The following INPP4B variants were observed in gnomAD, a reference collection of about 807,000 sequenced individuals.
INPP4B encodes the protein inositol polyphosphate-4-phosphatase type II B, also known as inositol polyphosphate 4-phosphatase type II.
In INPP4B, 55 loss-of-function variants were observed where a neutral mutation model predicts 122.5. The observed-to-expected ratio is 0.45, with a 90% confidence interval of 0.36 to 0.56. The LOEUF is 0.56. Ranked by LOEUF, INPP4B falls within the 20% of genes least tolerant of loss-of-function variation. INPP4B has a pLI of 0.00. For synonymous variants in INPP4B, 403 were observed against 388.7 expected (o/e 1.04, Z -0.43); for missense variants, 1,000 against 1,097.7 (o/e 0.91, Z 1.26).
chr4:142,641,420 TC>T (rs1403757436), intron 2 of INPP4B, among the ~76,000 whole-genome samples: 1 of 113,436 alleles, frequency 8.8e-6, no homozygotes, highest in East Asian at 3.1e-4. Context: ...CCCTACCCCC[TC>T]CCCCCACCCC....
At chr4:142,453,939 G>A (rs762751262) in intron 3 of INPP4B, among the ~76,000 whole-genome samples, 4 of 152,116 alleles carry the variant, frequency 2.6e-5, no homozygotes, top group Non-Finnish European at 5.9e-5. Flanking sequence ...TGGGACTAGA[G>A]GAAATCATGG....
chr4:142,757,014 G>T (rs1232599406), intron 1 of INPP4B, among the ~76,000 whole-genome samples: 1 of 152,108 alleles, frequency 6.6e-6, no homozygotes, highest in Non-Finnish European at 1.5e-5. Context: ...AAACATTATG[G>T]TATCTTACCT....
chr4:142,489,051 G>C (rs1821535268), intron 2 of INPP4B, among the ~76,000 whole-genome samples: 1 of 151,992 alleles, frequency 6.6e-6, no homozygotes, highest in Non-Finnish European at 1.5e-5. Flanking sequence ...TAATATCTAT[G>C]TGTTAATTTT....
At chr4:142,572,433 T>G (rs1259087940) in intron 2 of INPP4B, among the ~76,000 whole-genome samples, 2 of 152,008 alleles carry the variant, frequency 1.3e-5, no homozygotes, top group Non-Finnish European at 2.9e-5. Context: ...GAAGAGTTGG[T>G]GGGAAGTTGG....
At chr4:142,419,853 G>A (rs3775708) in intron 5 of INPP4B, among the ~76,000 whole-genome samples, 1 of 152,000 alleles carries the variant, frequency 6.6e-6, no homozygotes, top group East Asian at 1.9e-4. Flanking sequence ...GCAACATCAG[G>A]GGACCTCTCT....
At position 142,824,505 on chromosome 4, in the gene INPP4B, T is replaced by C. The variant is rs778927522; in HGVS notation, c.-254+21704A>G. ...TCAACCTATTCAATTAAATAAGCAATTACTTTAAAATTGAGAGTTAACCAT... is the reference window on the plus strand; with the variant it reads ...TCAACCTATTCAATTAAATAAGCAACTACTTTAAAATTGAGAGTTAACCAT... On this transcript the variant is annotated intron_variant, in intron 1 of 25. Transcript: ENST00000262992. Among the ~76,000 whole-genome samples, 23 of 152,082 alleles carry C rather than the reference T, an allele frequency of 1.5e-4. 1 individual carries two copies. The highest frequency in any genetic ancestry group is 2.6e-4 in the Admixed American group (4 of 15,256).
chr4:142,445,798 C>T (rs533665546), intron 3 of INPP4B, among the ~76,000 whole-genome samples: 39 of 152,138 alleles, frequency 2.6e-4, no homozygotes, highest in African/African-American at 9.1e-4. Flanking sequence ...ATAAAAGAAA[C>T]CTTAACAAAT....
chr4:142,442,086 T>C (rs1171103564), intron 3 of INPP4B, among the ~76,000 whole-genome samples: 1 of 152,000 alleles, frequency 6.6e-6, no homozygotes, highest in Non-Finnish European at 1.5e-5. Flanking sequence ...AAAAAGATTT[T>C]TCAACCCAAC....
intron 12 of INPP4B, among the ~76,000 whole-genome samples, chr4:142,212,331 C>T (rs1004916585): frequency 2.0e-5 from 3 of 152,280 alleles, no homozygotes; most frequent in Non-Finnish European, 2.9e-5. Flanking sequence ...TATTCATCAC[C>T]TATCTCCTTT....
chr4:142,591,716 T>C (rs373301477), intron 2 of INPP4B, among the ~76,000 whole-genome samples: 1 of 152,150 alleles, frequency 6.6e-6, no homozygotes, highest in East Asian at 1.9e-4. Context: ...TAAGTAATGT[T>C]GATAATATGT....
chr4:142,305,237 T>A (rs552958650), intron 9 of INPP4B, among the ~76,000 whole-genome samples: 1 of 152,316 alleles, frequency 6.6e-6, no homozygotes, highest in South Asian at 2.1e-4. Context: ...ATATTGTTTT[T>A]TTCTTATAAG....
At chr4:142,602,568 CT>C (rs1740270483) in intron 2 of INPP4B, among the ~76,000 whole-genome samples, 1 of 152,110 alleles carries the variant, frequency 6.6e-6, no homozygotes, top group South Asian at 2.1e-4. Context: ...TGAACAGACA[CT>C]TTTCAAAAGA....
chr4:142,393,941 T>C (rs1016497501), intron 7 of INPP4B, among the ~76,000 whole-genome samples: 1 of 152,248 alleles, frequency 6.6e-6, no homozygotes, highest in South Asian at 2.1e-4. Flanking sequence ...GAATCTTTCA[T>C]TGCTCAATTA....
intron 1 of INPP4B, among the ~76,000 whole-genome samples, chr4:142,789,159 T>C (rs1434283578): frequency 1.3e-5 from 2 of 152,030 alleles, no homozygotes; most frequent in Non-Finnish European, 2.9e-5. Flanking sequence ...AAGCATTCCC[T>C]CTGAGAACTG....
chr4:142,189,001 T>C (rs141892011), intron 15 of INPP4B, among the ~76,000 whole-genome samples: 5 of 152,334 alleles, frequency 3.3e-5, no homozygotes, highest in African/African-American at 9.6e-5. Flanking sequence ...TACTATGTTA[T>C]AGGTTATGGA....
chr4:142,588,004 C>G (rs1736604251), intron 2 of INPP4B, among the ~76,000 whole-genome samples: 1 of 151,828 alleles, frequency 6.6e-6, no homozygotes, highest in African/African-American at 2.4e-5. Flanking sequence ...TTATGCAAGT[C>G]TGGGTCAACA....
chr4:142,314,214 T>A (rs1766619905), intron 8 of INPP4B, among the ~76,000 whole-genome samples: 1 of 152,196 alleles, frequency 6.6e-6, no homozygotes, highest in Non-Finnish European at 1.5e-5. Context: ...TTCTGAATGC[T>A]AGAGAGGCAA....
intron 2 of INPP4B, among the ~76,000 whole-genome samples, chr4:142,490,517 G>T (rs1218305572): frequency 2.0e-5 from 3 of 152,038 alleles, no homozygotes; most frequent in African/African-American, 4.8e-5. Flanking sequence ...GCTAAATCAA[G>T]CTAATTAACC....
chr4:142,750,727 G>C (rs1769561378), intron 1 of INPP4B, among the ~76,000 whole-genome samples: 1 of 152,110 alleles, frequency 6.6e-6, no homozygotes, highest in South Asian at 2.1e-4. Flanking sequence ...CCCCTTGGCA[G>C]ATGGGTCTAA....
Sources: allele counts gnomAD v4.1 joint callset (sites outside exome capture counted in the v4.1 genomes callset), GRCh38; gene constraint gnomAD v4.1.1; transcripts MANE v1.5; gene names NCBI Gene and HGNC (gene_info 2026-07-23, HGNC 2026-07-21).